The following LY86 variants were observed in gnomAD, a reference collection of about 807,000 sequenced individuals.
The protein encoded by LY86 is lymphocyte antigen 86, also known as MD-1, RP105-associated.
Under a neutral mutation model 17.3 loss-of-function variants are expected in LY86, and 20 were observed. The ratio of observed to expected loss-of-function variants is 1.15; its 90% CI spans 0.81 to 1.68. The LOEUF is 1.68. Among genes scored for constraint, LY86 ranks in the 40% most tolerant of loss-of-function variants. The pLI, the probability that LY86 is intolerant of heterozygous loss-of-function variation, is 0.00. For missense variants in LY86, 200 were observed against 191.9 expected (o/e 1.04, Z -0.25); for synonymous variants, 74 against 70.6 (o/e 1.05, Z -0.24).
chr6:6,601,426 G>A (rs953627038), intron 1 of LY86, among the ~76,000 whole-genome samples: 1 of 152,174 alleles, frequency 6.6e-6, no homozygotes, highest in Non-Finnish European at 1.5e-5. Flanking sequence ...GAAAGCAGTT[G>A]CAATATACAC....
In LY86 at chr6:6,593,027, G is replaced by A. The variant is rs376252580; in HGVS notation, c.136+4157G>A. Reference sequence around the variant, plus strand: ...CACTCTAGATCTCATGTTATTGTTTGTAAGGAGGGTGTATTCGTTTCCTGT... The same window carrying A: ...CACTCTAGATCTCATGTTATTGTTTATAAGGAGGGTGTATTCGTTTCCTGT... On this transcript the variant is annotated intron_variant, in intron 1 of 4. Transcript: ENST00000230568. 7.7e-4 allele frequency among the ~76,000 whole-genome samples: 117 copies of A among 152,346 alleles called. 3 individuals carry two copies. The South Asian group carries it at 0.02, about 26-fold the overall frequency.
intron 4 of LY86, among the ~76,000 whole-genome samples, chr6:6,650,384 G>C (rs556885446): frequency 1.3e-5 from 2 of 150,656 alleles, no homozygotes; most frequent in Non-Finnish European, 2.9e-5. Flanking sequence ...TCCCAGGCTG[G>C]AGTGCAGGGG....
intron 1 of LY86, among the ~76,000 whole-genome samples, chr6:6,612,145 A>G (rs757482040): frequency 9.9e-5 from 15 of 151,602 alleles, no homozygotes; most frequent in Non-Finnish European, 1.6e-4. Context: ...CCTAAGATTG[A>G]TAGATGTGTC....
intron 1 of LY86, among the ~76,000 whole-genome samples, chr6:6,595,244 GAAC>G (rs1277208984): frequency 2.0e-5 from 3 of 149,460 alleles, no homozygotes; most frequent in African/African-American, 7.5e-5. Context: ...GGAGGGAAGA[GAAC>G]AAGAAGGAGG....
chr6:6,630,600 A>G (rs1289641780), intron 3 of LY86, among the ~76,000 whole-genome samples: 3 of 152,248 alleles, frequency 2.0e-5, no homozygotes, highest in African/African-American at 7.2e-5. Flanking sequence ...TTCCTAGCCC[A>G]AAGGAGGGAA....
At chr6:6,590,180 G>A (rs183296443) in intron 1 of LY86, among the ~76,000 whole-genome samples, 78 of 145,102 alleles carry the variant, frequency 5.4e-4, no homozygotes, top group African/African-American at 1.8e-3. Context: ...CTAAGATACC[G>A]TAGTCCCCCC....
At chr6:6,652,334 G>A (rs563330576) in intron 4 of LY86, among the ~76,000 whole-genome samples, 2 of 152,226 alleles carry the variant, frequency 1.3e-5, no homozygotes, top group South Asian at 2.1e-4. Context: ...AACAGACACA[G>A]TTCAAAGACT....
chr6:6,597,014 C>T (rs906941468), intron 1 of LY86, among the ~76,000 whole-genome samples: 3 of 152,048 alleles, frequency 2.0e-5, no homozygotes, highest in Non-Finnish European at 2.9e-5. Flanking sequence ...TGGGCAGCTC[C>T]GCTCATGTTT....
rs1761125491 is a variant in LY86, at chr6:6,605,983, A to C, written c.136+17113A>C. Among the ~76,000 whole-genome samples, 3 of 152,176 alleles carry C rather than the reference A, an allele frequency of 2.0e-5. No homozygotes were observed. The South Asian group carries it at 6.2e-4, about 32-fold the overall frequency. On this transcript the variant is annotated intron_variant, in intron 1 of 4. Coordinates refer to ENST00000230568, the MANE Select transcript of LY86 (RefSeq NM_004271.4). ...AGCGTGGACCCAAAGAGCGACCACC[A>C]GCAAAATTTACTGCGAAAAGCAAAA...
intron 1 of LY86, among the ~76,000 whole-genome samples, chr6:6,622,437 T>C (rs1761702125): frequency 6.6e-6 from 1 of 152,214 alleles, no homozygotes; most frequent in African/African-American, 2.4e-5. Context: ...TTTTCAATAC[T>C]GAGTGCCAAG....
intron 1 of LY86, among the ~76,000 whole-genome samples, chr6:6,603,608 A>AC (rs1248501329): frequency 9.9e-6 from 1 of 101,354 alleles, no homozygotes; most frequent in East Asian, 2.8e-4. Flanking sequence ...AGAAACAGAA[A>AC]AAAAAACAAA....
At chr6:6,619,351 C>T (rs996430773) in intron 1 of LY86, among the ~76,000 whole-genome samples, 1 of 152,252 alleles carries the variant, frequency 6.6e-6, no homozygotes, top group Non-Finnish European at 1.5e-5. Flanking sequence ...AGTTCAACCA[C>T]ACTCAGACAC....
At chr6:6,614,346 C>T (rs1023389763) in intron 1 of LY86, among the ~76,000 whole-genome samples, 3 of 151,694 alleles carry the variant, frequency 2.0e-5, no homozygotes, top group African/African-American at 7.3e-5. Context: ...CCTTCATTGA[C>T]GCCAAATGTC....
At chr6:6,634,701 C>T (rs1415506300) in intron 3 of LY86, among the ~76,000 whole-genome samples, 1 of 152,224 alleles carries the variant, frequency 6.6e-6, no homozygotes, top group Non-Finnish European at 1.5e-5. Context: ...CTCAATCTCA[C>T]TGTCTGCATC....
At chr6:6,616,216 AT>A (rs2113127986) in intron 1 of LY86, among the ~76,000 whole-genome samples, 1 of 152,338 alleles carries the variant, frequency 6.6e-6, no homozygotes, top group South Asian at 2.1e-4. Context: ...GAAGAATTTT[AT>A]CAAAATTGGG....
intron 3 of LY86, among the ~76,000 whole-genome samples, chr6:6,632,564 C>T (rs1561790143): frequency 6.6e-6 from 1 of 152,112 alleles, no homozygotes; most frequent in South Asian, 2.1e-4. Context: ...AGAAACAGGC[C>T]AGAGGACTCA....
intron 3 of LY86, among the ~76,000 whole-genome samples, chr6:6,633,280 C>T (rs925803089): frequency 1.3e-5 from 2 of 152,108 alleles, no homozygotes; most frequent in African/African-American, 2.4e-5. Context: ...GCCGTGGAGA[C>T]GTGAGGTTCT....
intron 1 of LY86, among the ~76,000 whole-genome samples, chr6:6,611,028 C>T (rs1761318479): frequency 6.6e-6 from 1 of 152,350 alleles, no homozygotes; most frequent in Admixed American, 6.5e-5. Flanking sequence ...TGTTTTTCCA[C>T]TGTCCTTCCA....
chr6:6,644,136 G>A (rs1025199683), intron 3 of LY86, among the ~76,000 whole-genome samples: 10 of 152,220 alleles, frequency 6.6e-5, no homozygotes, highest in Non-Finnish European at 1.2e-4. Flanking sequence ...ATCCTAGCAA[G>A]GGCTAGGAAA....
Sources: gnomAD v4.1 joint callset for allele counts (sites outside exome capture counted in the v4.1 genomes callset) on GRCh38, gnomAD v4.1.1 for gene constraint, MANE v1.5 for transcripts, NCBI Gene and HGNC (gene_info 2026-07-23, HGNC 2026-07-21) for gene names.